The following ITGB4 variants were observed in gnomAD, a reference collection of about 807,000 sequenced individuals.
ITGB4 encodes the protein integrin beta-4.
In ITGB4, 159 loss-of-function variants were observed where a neutral mutation model predicts 207.6. The observed-to-expected ratio is 0.77, with a 90% CI of 0.67 to 0.87. ITGB4 has a LOEUF of 0.87. ITGB4 is among the 40% of genes least tolerant of loss of function. The pLI is 0.00. For missense variants in ITGB4, 2,278 were observed against 2,546.8 expected, an observed-to-expected ratio of 0.89 and a Z score of 2.27; for synonymous variants, 1,020 against 1,062.7, an observed-to-expected ratio of 0.96 and a Z score of 0.78.
chr17:75,749,625 C>T (rs926106252), intron 27 of ITGB4, among the ~76,000 whole-genome samples: 3 of 152,216 alleles, frequency 2.0e-5, no homozygotes, highest in Non-Finnish European at 4.4e-5. Context: ...CTGTTGTCAC[C>T]ACACAATAGG....
Position 75,731,318 on chromosome 17 carries a change from A to G in ITGB4, c.1165A>G (p.Met389Val). Residue 389 changes from methionine (M) to valine (V), a missense_variant, in exon 10 of 40, where the codon ATG becomes GTG. Transcript: ENST00000200181. This position sits in a 1 kb window ranked among gnomAD's most constrained non-coding sequence, Gnocchi z 6.8. ...CCTTCGGACAGAGGTCACCTCCAAG[A>G]TGTTCCAGAAGACGAGGACTGGGTC... ...RGLRTEVTSKMFQKTRTGSFH... is the reference protein window; with the variant it reads ...RGLRTEVTSKVFQKTRTGSFH... 6.2e-7 allele frequency: 1 copy of G among 1,613,344 alleles called. No individual in the cohort carries two copies. Among genetic ancestry groups the G allele is most frequent in the Non-Finnish European group, 8.5e-7 (1 of 1,179,952 alleles).
rs775074217 is a variant in ITGB4, at chr17:75,727,186, T to TC, written c.80-3dup. ...CTCCCCATTCATGTGCCCACATCTG[T>TC]CCCCCCAGCAAACCGCTGCAAGAAG... On this transcript the variant is annotated splice_polypyrimidine_tract_variant and intron_variant, in intron 2 of 39. Transcript: ENST00000200181. This position sits in a 1 kb window ranked among gnomAD's most constrained non-coding sequence, Gnocchi z 6.0. The TC allele has an allele frequency of 3.7e-6, 6 of 1,613,040 alleles. No individual in the cohort carries two copies. The South Asian group carries it at 6.6e-5, about 18-fold the overall frequency.
Position 75,727,548 on chromosome 17 carries a change from C to T in ITGB4, c.264+43C>T. ...TGGGGTGGGGGCTCCCCATGCTCAG[C>T]CTGGCTATTTATGGGGGTGTATAGT... On this transcript the variant is annotated intron_variant, in intron 4 of 39. Transcript: ENST00000200181. The surrounding 1 kb of genome is among the most constrained non-coding windows in gnomAD (Gnocchi z 6.0). 1 of 1,604,592 alleles carries T rather than the reference C, an allele frequency of 6.2e-7. No individual in the cohort carries two copies. The highest frequency in any genetic ancestry group is 8.5e-7 in the Non-Finnish European group (1 of 1,175,000).
Position 75,727,110 on chromosome 17 carries a change from A to C in ITGB4, c.80-85A>C. ...TAAATAACATAAGGAGGGAATCCCC[A>C]TCTCTCCAGGTGAAGGTGCAGGTGG... On this transcript the variant is annotated intron_variant, in intron 2 of 39. Transcript: ENST00000200181. The surrounding 1 kb of genome is among the most constrained non-coding windows in gnomAD (Gnocchi z 6.0). 4.0e-6 allele frequency: 4 copies of C among 1,007,830 alleles called. No homozygotes were observed. The highest frequency in any genetic ancestry group is 4.7e-6 in the Non-Finnish European group (3 of 642,556). 62.4% of individuals were successfully genotyped at this position (1,007,830 alleles called of 1,614,324 possible). A position where few individuals can be genotyped will look rare whatever the true frequency, so the allele number is the denominator to read the frequency against.
intron 12 of ITGB4, 105 bp from the exon 13 acceptor site, chr17:75,733,385 C>CAA (rs35350305): frequency 7.1e-3 from 5,722 of 804,832 alleles, no homozygotes; most frequent in East Asian, 0.023. Flanking sequence ...GACTCCGTCT[C>CAA]AAAAAAAAAA....
At chr17:75,749,963 G>A (rs2061328702) in intron 27 of ITGB4, 148 bp from the exon 28 acceptor site, 1 of 984,412 alleles carries the variant, frequency 1.0e-6, no homozygotes, top group Non-Finnish European at 1.6e-6. Flanking sequence ...GCAGCAATGG[G>A]GCACCACCAG....
intron 2 of ITGB4, among the ~76,000 whole-genome samples, chr17:75,725,378 T>C (rs1599210113): frequency 1.3e-5 from 2 of 151,942 alleles, no homozygotes; most frequent in Admixed American, 1.3e-4. Flanking sequence ...AGTGATGCCA[T>C]CGTGGCTCAC....
intron 17 of ITGB4, 21 bp downstream of exon 17, chr17:75,737,465 G>T (rs765179657): frequency 1.4e-5 from 21 of 1,552,840 alleles, no homozygotes; most frequent in Admixed American, 3.9e-5. Context: ...GGGGCCGGGC[G>T]CAGGGAGGGG....
rs929558042 is a variant in ITGB4 at position 75,739,031 on chromosome 17, C to T, written c.2221-641C>T. On this transcript the variant is annotated intron_variant, in intron 18 of 39. Coordinates refer to ENST00000200181, the MANE Select transcript of ITGB4 (RefSeq NM_000213.5). The surrounding 1 kb of genome is among the most constrained non-coding windows in gnomAD (Gnocchi z 5.4). Reference sequence around the variant, plus strand: ...TTCTTAAATTTAAGTTACAGTGGCTCACACTTGTAACCCCAGCACTTTGGG... The same window carrying T: ...TTCTTAAATTTAAGTTACAGTGGCTTACACTTGTAACCCCAGCACTTTGGG... 6.6e-6 allele frequency among the ~76,000 whole-genome samples: 1 copy of T among 151,660 alleles called. No homozygotes were observed. The highest frequency in any genetic ancestry group is 2.4e-5 in the African/African-American group (1 of 41,272).
chr17:75,724,769 C>T lies in ITGB4; in HGVS notation c.66C>T (p.Leu22=). 1 of 1,613,710 alleles carries T rather than the reference C, an allele frequency of 6.2e-7. No homozygotes were observed. The highest frequency in any genetic ancestry group is 1.3e-5 in the African/African-American group (1 of 75,076). The part of the protein sequence containing the change: ...LLLAALISVS[L]SGTLANRCKK... The stretch of plus-strand genomic sequence containing the variant: ...TGGCAGCCTTGATCAGCGTCAGCCT[C>T]TCTGGGACCTTGGGTGAGTCCACGT... The change falls in exon 2 of 40, where the codon CTC becomes CTT. Residue 22 remains leucine (L), a synonymous_variant. Coordinates refer to ENST00000200181, the MANE Select transcript of ITGB4 (RefSeq NM_000213.5).
At chr17:75,734,137 T>TTG (rs2060925194) in intron 13 of ITGB4, among the ~76,000 whole-genome samples, 1 of 141,370 alleles carries the variant, frequency 7.1e-6, no homozygotes, top group African/African-American at 2.7e-5. Context: ...GTTTTTTTTT[T>TTG]TTTTTTTTTT....
chr17:75,731,088 G>A lies in ITGB4; in HGVS notation c.1092+124G>A. 1.4e-6 allele frequency: 2 copies of A among 1,414,462 alleles called. No individual in the cohort carries two copies. Among genetic ancestry groups the A allele is most frequent in the Non-Finnish European group, 2.0e-6 (2 of 1,014,078 alleles). 87.6% of individuals were successfully genotyped at this position (1,414,462 alleles called of 1,614,324 possible). A position where few individuals can be genotyped will look rare whatever the true frequency, so the allele number is the denominator to read the frequency against. The stretch of plus-strand genomic sequence containing the variant: ...GGTCTGGGACAGACCAGTGAGGAAG[G>A]GTCTCTAGCTATCCCTGAGGCCCCG... On this transcript the variant is annotated intron_variant, in intron 9 of 39. Transcript: ENST00000200181. This position sits in a 1 kb window ranked among gnomAD's most constrained non-coding sequence, Gnocchi z 6.8.
Position 75,732,219 on chromosome 17 carries a change from G to T in ITGB4, c.1434G>T (p.Gln478His), listed in dbSNP as rs8079267. The T allele has an allele frequency of 3.6e-3, 5,890 of 1,614,088 alleles. 24 individuals are homozygous for T. Among genetic ancestry groups the T allele is most frequent in the Middle Eastern group, 5.4e-3 (33 of 6,062 alleles). The change falls in exon 12 of 40, where the codon CAG (glutamine) becomes CAT (histidine). Residue 478 changes from glutamine to histidine, a missense_variant. By Grantham distance (24) the Gln-to-His change is conservative. Transcript: ENST00000200181. This position sits in a 1 kb window ranked among gnomAD's most constrained non-coding sequence, Gnocchi z 5.3. Reference protein sequence around the residue: ...CSFNGDFVCGQCVCSEGWSGQ... With the variant: ...CSFNGDFVCGHCVCSEGWSGQ... ...TCAACGGAGACTTCGTGTGCGGACA[G>T]TGTGTGTGCAGCGAGGGCTGGTGAG... is the stretch of plus-strand genomic sequence containing the variant.
intron 30 of ITGB4, 139 bp downstream of exon 30, chr17:75,751,250 A>G: frequency 9.7e-7 from 1 of 1,034,330 alleles, no homozygotes; most frequent in South Asian, 1.4e-5. Context: ...TCAGCGGATA[A>G]GCCTGAGGCA....
chr17:75,752,707 G>C (rs2061397328), intron 32 of ITGB4, 130 bp downstream of exon 32: 2 of 1,143,142 alleles, frequency 1.7e-6, no homozygotes, highest in Admixed American at 3.9e-5. Context: ...TTGGACAAAT[G>C]CAATGGAGTG....
chr17:75,738,424 G>C (rs1159372828), intron 18 of ITGB4, among the ~76,000 whole-genome samples: 3 of 152,202 alleles, frequency 2.0e-5, no homozygotes, highest in Admixed American at 6.5e-5. Flanking sequence ...GAGGTCAGTG[G>C]GGCAAGGTCA....
rs760434790 is a variant in ITGB4, at chr17:75,756,473, G to T, written c.4753G>T (p.Val1585Leu). 6.2e-7 allele frequency: 1 copy of T among 1,613,212 alleles called. No individual in the cohort carries two copies. The highest frequency in any genetic ancestry group is 1.3e-5 in the African/African-American group (1 of 74,900). The change falls in exon 36 of 40, where the codon GTG (valine) becomes TTG (leucine). Residue 1585 changes from valine (V) to leucine (L), a missense_variant. Physicochemically the swap from Val to Leu is conservative, Grantham distance 32. Transcript: ENST00000200181. ...LNIPNPAQTS[V>L]VVEDLLPNHS... The stretch of plus-strand genomic sequence containing the variant: ...CATCCCCAACCCTGCCCAGACCTCG[G>T]TGGTGGTGGAAGACCTCCTGCCCAA...
intron 16 of ITGB4, 142 bp downstream of exon 16, chr17:75,736,836 G>T: frequency 1.1e-6 from 1 of 941,056 alleles, no homozygotes; most frequent in Non-Finnish European, 1.6e-6. Flanking sequence ...GAGCTGGGAG[G>T]GACCACAGAA....
At chr17:75,726,149 T>C (rs7220903) in intron 2 of ITGB4, among the ~76,000 whole-genome samples, 15,733 of 152,276 alleles carry the variant, frequency 0.1, 2,007 homozygotes, top group African/African-American at 0.3. Context: ...CACATACCCC[T>C]GGCCTCTGTA....
Sources: allele counts gnomAD v4.1 joint callset (sites outside exome capture counted in the v4.1 genomes callset), GRCh38; gene constraint gnomAD v4.1.1; non-coding constraint Gnocchi (gnomAD v3.1); transcripts MANE v1.5; gene names NCBI Gene and HGNC (gene_info 2026-07-23, HGNC 2026-07-21).